Variants in FSTL4 observed in about 807,000 individuals in gnomAD.
The protein encoded by FSTL4 is follistatin-related protein 4.
Under a neutral mutation model 78.2 loss-of-function variants are expected in FSTL4, and 28 were observed. The ratio of observed to expected loss-of-function variants is 0.36; its 90% CI spans 0.27 to 0.49. FSTL4 has a LOEUF of 0.49. FSTL4 is among the 20% of genes least tolerant of loss of function. The pLI is 0.98. For synonymous variants in FSTL4, 422 were observed against 440.5 expected (o/e 0.96, Z 0.53); for missense variants, 922 against 1,084.9 (o/e 0.85, Z 2.11).
At chr5:133,570,206 C>CAAA (rs923597727) in intron 2 of FSTL4, among the ~76,000 whole-genome samples, 3 of 128,784 alleles carry the variant, frequency 2.3e-5, no homozygotes, top group Non-Finnish European at 5.0e-5. Context: ...GACTCCGTCT[C>CAAA]AAAAAAAAAA....
intron 4 of FSTL4, among the ~76,000 whole-genome samples, chr5:133,371,336 T>C (rs1380413188): frequency 6.6e-6 from 1 of 152,264 alleles, no homozygotes; most frequent in Non-Finnish European, 1.5e-5. Context: ...GAGGCATTCC[T>C]GACATTTAAC....
upstream of FSTL4, among the ~76,000 whole-genome samples, chr5:133,614,588 C>T (rs1761167090): frequency 6.6e-6 from 1 of 152,182 alleles, no homozygotes; most frequent in South Asian, 2.1e-4. Flanking sequence ...TTGAATTGCT[C>T]TGTGCTTTTA....
At chr5:133,752,793 G>A in the FSTL4 span, among the ~76,000 whole-genome samples, 2 of 152,076 alleles carry the variant, frequency 1.3e-5, no homozygotes, top group African/African-American at 2.4e-5. Flanking sequence ...AGTGCTGCCA[G>A]CACAGACACC....
At chr5:133,450,887 A>C (rs887525824) in intron 3 of FSTL4, among the ~76,000 whole-genome samples, 1 of 152,204 alleles carries the variant, frequency 6.6e-6, no homozygotes, top group African/African-American at 2.4e-5. Flanking sequence ...GCCAGCCCTT[A>C]GTACATGCTG....
chr5:133,490,320 G>T (rs1358848998), intron 3 of FSTL4, among the ~76,000 whole-genome samples: 4 of 151,618 alleles, frequency 2.6e-5, no homozygotes, highest in Admixed American at 2.0e-4. Context: ...ACAGTCTCTG[G>T]CACATAAGCG....
intron 2 of FSTL4, among the ~76,000 whole-genome samples, chr5:133,580,092 C>T (rs1760368806): frequency 6.6e-6 from 1 of 152,196 alleles, no homozygotes; most frequent in Non-Finnish European, 1.5e-5. Context: ...TCCAAGACTT[C>T]CAACCAGAAA....
the FSTL4 span, among the ~76,000 whole-genome samples, chr5:133,702,657 A>G: frequency 6.6e-6 from 1 of 152,228 alleles, no homozygotes; most frequent in African/African-American, 2.4e-5. Flanking sequence ...GTATGCTTTT[A>G]TAGATATAAA....
chr5:133,723,183 A>G, the FSTL4 span, among the ~76,000 whole-genome samples: 1 of 152,134 alleles, frequency 6.6e-6, no homozygotes, highest in East Asian at 1.9e-4. Context: ...GCACAAGTGG[A>G]TACAGTTCTT....
intron 3 of FSTL4, among the ~76,000 whole-genome samples, chr5:133,558,473 A>G (rs1284136525): frequency 6.6e-6 from 1 of 152,062 alleles, no homozygotes; most frequent in Non-Finnish European, 1.5e-5. Context: ...ACCCCGGCCC[A>G]GGTCTCCCCA....
chr5:133,225,841 G>C lies in FSTL4; in HGVS notation c.1016-22C>G. 1 of 1,519,038 alleles carries C rather than the reference G, an allele frequency of 6.6e-7. No homozygotes were observed. Among genetic ancestry groups the C allele is most frequent in the Non-Finnish European group, 8.8e-7 (1 of 1,135,392 alleles). The allele number at this position is 1,519,038 out of a possible 1,614,324, so 94.1% of individuals were successfully genotyped here. A position where few individuals can be genotyped will look rare whatever the true frequency, so the allele number is the denominator to read the frequency against. On this transcript the variant is annotated intron_variant, in intron 8 of 15. Transcript: ENST00000265342. The surrounding 1 kb of genome is among the most constrained non-coding windows in gnomAD (Gnocchi z 4.6). ...GGCACTGTGGGTGAGAGTCAGTGCTGGTGAGAAAGAGACGGCCCTGACCTG... is the reference window on the plus strand; with the variant it reads ...GGCACTGTGGGTGAGAGTCAGTGCTCGTGAGAAAGAGACGGCCCTGACCTG...
chr5:133,816,135 G>A, the FSTL4 span, among the ~76,000 whole-genome samples: 1 of 152,150 alleles, frequency 6.6e-6, no homozygotes, highest in Non-Finnish European at 1.5e-5. Flanking sequence ...AAAGACTAGG[G>A]GGCCATACTG....
At chr5:133,561,726 T>C (rs1394462665) in intron 3 of FSTL4, among the ~76,000 whole-genome samples, 2 of 152,186 alleles carry the variant, frequency 1.3e-5, no homozygotes, top group East Asian at 3.8e-4. Flanking sequence ...TTGGGACTGA[T>C]GGTTTGTACT....
the FSTL4 span, among the ~76,000 whole-genome samples, chr5:133,627,139 C>G: frequency 6.9e-6 from 1 of 145,066 alleles, no homozygotes; most frequent in Non-Finnish European, 1.5e-5. Flanking sequence ...TATGATGTTC[C>G]TCTCTGTGTC....
the FSTL4 span, among the ~76,000 whole-genome samples, chr5:133,649,360 C>A: frequency 6.6e-6 from 1 of 152,124 alleles, no homozygotes; most frequent in Admixed American, 6.5e-5. Context: ...GTTTTCAGCT[C>A]CCTTGAGTAA....
intron 3 of FSTL4, among the ~76,000 whole-genome samples, chr5:133,480,879 C>A (rs1421559537): frequency 6.6e-6 from 1 of 152,178 alleles, no homozygotes; most frequent in East Asian, 1.9e-4. Flanking sequence ...TAAGGCTTCA[C>A]CTACCTTTCA....
At chr5:133,532,301 C>T (rs1759270036) in intron 3 of FSTL4, among the ~76,000 whole-genome samples, 1 of 152,232 alleles carries the variant, frequency 6.6e-6, no homozygotes, top group African/African-American at 2.4e-5. Flanking sequence ...CATAGGCCAA[C>T]TATTATAAAT....
At chr5:133,215,319 C>T (rs1750871431) in intron 13 of FSTL4, among the ~76,000 whole-genome samples, 1 of 152,164 alleles carries the variant, frequency 6.6e-6, no homozygotes. Flanking sequence ...TCTATACCAC[C>T]TCTTGGTAAT....
the FSTL4 span, among the ~76,000 whole-genome samples, chr5:133,812,582 A>G: frequency 6.6e-6 from 1 of 152,180 alleles, no homozygotes; most frequent in Non-Finnish European, 1.5e-5. Context: ...TCTCAACTCA[A>G]GTATCATCTC....
At chr5:133,241,087 C>G (rs1418937964) in intron 7 of FSTL4, among the ~76,000 whole-genome samples, 1 of 152,234 alleles carries the variant, frequency 6.6e-6, no homozygotes, top group Non-Finnish European at 1.5e-5. Flanking sequence ...GAAATTGACA[C>G]TGTGACAGTG....
Sources: gnomAD v4.1 joint callset for allele counts (sites outside exome capture counted in the v4.1 genomes callset) on GRCh38, gnomAD v4.1.1 for gene constraint, Gnocchi (gnomAD v3.1) non-coding constraint, MANE v1.5 for transcripts, NCBI Gene and HGNC (gene_info 2026-07-23, HGNC 2026-07-21) for gene names.